Variants in LPO observed in about 807,000 individuals in gnomAD.
LPO encodes salivary peroxidase.
Under a neutral mutation model 68.4 loss-of-function variants are expected in LPO, and 70 were observed. That is an observed-to-expected ratio of 1.02 (90% CI 0.84 to 1.25). The LOEUF (loss-of-function observed/expected upper bound fraction) is 1.25. LPO is among the 50% of genes most tolerant of loss of function. The probability of loss-of-function intolerance (pLI) is 0.00; values close to 1 mark genes in which losing one functional copy is unlikely to be tolerated. For missense variants in LPO, 873 were observed against 908.4 expected (o/e 0.96, Z 0.50); for synonymous variants, 360 against 357.6 (o/e 1.01, Z -0.08).
At chr17:58,243,155 G>A (rs879195134) in intron 2 of LPO, 100 bp downstream of exon 2, 6 of 1,196,332 alleles carry the variant, frequency 5.0e-6, no homozygotes, top group South Asian at 1.3e-5. Context: ...CAGTACGGGA[G>A]GATAGAAGTC....
chr17:58,265,048 A>G, intron 10 of LPO, 74 bp downstream of exon 10: 1 of 1,578,486 alleles, frequency 6.3e-7, no homozygotes, highest in Non-Finnish European at 8.6e-7. Context: ...CTTGGGTTGG[A>G]AGTCAGATTC....
chr17:58,249,025 AG>A, intron 4 of LPO, 34 bp from the exon 5 acceptor site: 1 of 1,549,124 alleles, frequency 6.5e-7, no homozygotes, highest in East Asian at 2.2e-5. Context: ...GAATGGAGAA[AG>A]AACTCAGTCC....
rs1244457283 is a variant in LPO, at chr17:58,249,222, G to A, written c.443+45G>A. 8 of 1,527,112 alleles carry A rather than the reference G, an allele frequency of 5.2e-6. No individual in the cohort carries two copies. In the African/African-American group the frequency reaches 8.2e-5, roughly 16 times the overall value. The allele number at this position is 1,527,112 out of a possible 1,614,324, so 94.6% of individuals were successfully genotyped here. On this transcript the variant is annotated intron_variant, in intron 5 of 12. Coordinates refer to ENST00000262290, the MANE Select transcript of LPO (RefSeq NM_006151.3). ...GGGGGCCGACCATTCCAGCCACTCC[G>A]CCCCGCCCTGCCAAGGCCTTTGTCC...
chr17:58,260,212 A>T (rs1205898250), intron 9 of LPO, among the ~76,000 whole-genome samples: 1 of 152,154 alleles, frequency 6.6e-6, no homozygotes, highest in Non-Finnish European at 1.5e-5. Context: ...TGATTTTTTT[A>T]TGTGTTGATT....
intron 3 of LPO, among the ~76,000 whole-genome samples, chr17:58,245,278 T>C (rs536550858): frequency 1.5e-3 from 225 of 152,068 alleles, no homozygotes; most frequent in African/African-American, 5.3e-3. Flanking sequence ...GGGTTTCTGC[T>C]CCTTGGGGGT....
intron 4 of LPO, 53 bp downstream of exon 4, chr17:58,247,691 G>A (rs1969878028): frequency 6.3e-7 from 1 of 1,577,154 alleles, no homozygotes; most frequent in Non-Finnish European, 8.6e-7. Flanking sequence ...CTCCCCACAG[G>A]AGAAAGCAGA....
intron 10 of LPO, among the ~76,000 whole-genome samples, chr17:58,265,840 C>A (rs1196580476): frequency 6.6e-6 from 1 of 152,002 alleles, no homozygotes; most frequent in Non-Finnish European, 1.5e-5. Context: ...CCACCTTGGC[C>A]TCCCAAAGTG....
In LPO at chr17:58,254,920, T is replaced by G. The variant is rs1567820290; in HGVS notation, c.1215T>G (p.Asp405Glu). The change falls in exon 9 of 13, where the codon GAT (aspartate) becomes GAG (glutamate). Residue 405 changes from aspartate (D) to glutamate (E), a missense_variant. Transcript: ENST00000262290. ...TAAAGAGACTCAACCCTCAGTGGGATGGAGAGAAGCTCTACCAGGAAGCCC... is the reference window on the plus strand; with the variant it reads ...TAAAGAGACTCAACCCTCAGTGGGAGGGAGAGAAGCTCTACCAGGAAGCCC... The part of the protein sequence containing the change: ...RELKRLNPQW[D>E]GEKLYQEARK... 2 of 1,614,096 alleles carry G rather than the reference T, an allele frequency of 1.2e-6. No homozygotes were observed. Among genetic ancestry groups the G allele is most frequent in the Non-Finnish European group, 1.7e-6 (2 of 1,179,994 alleles).
chr17:58,268,094 C>T lies in LPO; in HGVS notation c.*100C>T. 2.4e-6 allele frequency: 3 copies of T among 1,266,242 alleles called. No homozygotes were observed. Among genetic ancestry groups the T allele is most frequent in the Non-Finnish European group, 3.3e-6 (3 of 901,714 alleles). The allele number at this position is 1,266,242 out of a possible 1,614,324, so 78.4% of individuals were successfully genotyped here. A position where few individuals can be genotyped will look rare whatever the true frequency, so the allele number is the denominator to read the frequency against. On this transcript the variant is annotated 3_prime_UTR_variant, in exon 13 of 13. Coordinates refer to ENST00000262290, the MANE Select transcript of LPO (RefSeq NM_006151.3). ...AGAGCTCCATATCCCAGTCCCAGCC[C>T]TTCTTTGCAGCTGGGCCTCTCTATA...
intron 8 of LPO, among the ~76,000 whole-genome samples, chr17:58,254,270 G>T (rs915857374): frequency 5.9e-5 from 9 of 151,916 alleles, no homozygotes; most frequent in African/African-American, 2.2e-4. Flanking sequence ...CCATTTAACT[G>T]TTCCCCCATC....
intron 8 of LPO, among the ~76,000 whole-genome samples, chr17:58,253,489 T>C (rs1970003061): frequency 6.6e-6 from 1 of 152,218 alleles, no homozygotes; most frequent in Non-Finnish European, 1.5e-5. Context: ...TGTATATTTT[T>C]AAAGCTTTTT....
chr17:58,252,414 A>ACCAT lies in LPO; in HGVS notation c.1014_1017dup (p.Gly340ProfsTer9), dbSNP rs368901060. The ACCAT allele has an allele frequency of 1.8e-3, 2,832 of 1,614,140 alleles. 4 individuals carry two copies. The highest frequency in any genetic ancestry group is 2.2e-3 in the Non-Finnish European group (2,603 of 1,180,040). On this transcript the variant is annotated frameshift_variant, in exon 8 of 13. Transcript: ENST00000262290. LOFTEE classifies it high-confidence loss of function. ...ATGGCTGTCAACCAGGAGGTCTCAG[A>ACCAT]CCATGGACTACCCTACCTGCCCTAT...
At chr17:58,243,917 A>AGGGAGACAAAAGC in intron 2 of LPO, 77 bp from the exon 3 acceptor site, 1 of 952,464 alleles carries the variant, frequency 1.0e-6, no homozygotes. Context: ...GCCGAGAAAG[A>AGGGAGACAAAAGC]GGGAGACAAA....
intron 9 of LPO, among the ~76,000 whole-genome samples, chr17:58,261,151 T>A (rs1179356304): frequency 1.3e-5 from 2 of 152,238 alleles, no homozygotes; most frequent in Non-Finnish European, 2.9e-5. Flanking sequence ...TGGTTGATGG[T>A]GCTATTCAGT....
In LPO at chr17:58,250,399, C is replaced by T; in HGVS notation, c.574-16C>T. ...TTTTCCTCTAATCTGCCCTCCCCTTCTCTCTCCATCTGTAGGCCCGGGAGG... is the reference window on the plus strand; with the variant it reads ...TTTTCCTCTAATCTGCCCTCCCCTTTTCTCTCCATCTGTAGGCCCGGGAGG... On this transcript the variant is annotated splice_polypyrimidine_tract_variant and intron_variant, in intron 6 of 12. Transcript: ENST00000262290. 6.2e-7 allele frequency: 1 copy of T among 1,610,346 alleles called. No homozygotes were observed. The highest frequency in any genetic ancestry group is 8.5e-7 in the Non-Finnish European group (1 of 1,176,606).
chr17:58,252,477 C>T lies in LPO; in HGVS notation c.1076C>T (p.Thr359Ile), dbSNP rs1364951311. 3.7e-6 allele frequency: 6 copies of T among 1,613,090 alleles called. No individual in the cohort carries two copies. Among genetic ancestry groups the T allele is most frequent in the Non-Finnish European group, 5.1e-6 (6 of 1,179,368 alleles). Reference sequence around the variant, plus strand: ...CCAAGCCCCTGTGAGTTCATCAACACCACTGCCCGTGTGCCCTGCTTCCTG... The same window carrying T: ...CCAAGCCCCTGTGAGTTCATCAACATCACTGCCCGTGTGCCCTGCTTCCTG... ...KKPSPCEFIN[T>I]TARVPCFLAG... Residue 359 changes from threonine (T) to isoleucine (I), a missense_variant, in exon 8 of 13, where the codon ACC (threonine) becomes ATC (isoleucine). By Grantham distance (89) the Thr-to-Ile change is moderately conservative. Coordinates refer to ENST00000262290, the MANE Select transcript of LPO (RefSeq NM_006151.3).
chr17:58,242,954 G>A (rs979633921), intron 1 of LPO, 24 bp from the exon 2 acceptor site: 4 of 1,599,072 alleles, frequency 2.5e-6, no homozygotes, highest in African/African-American at 2.7e-5. Context: ...GAGGCTCACA[G>A]TGTGATCCTG....
chr17:58,259,167 T>A (rs1970129619), intron 9 of LPO, among the ~76,000 whole-genome samples: 1 of 152,206 alleles, frequency 6.6e-6, no homozygotes, highest in African/African-American at 2.4e-5. Flanking sequence ...TAGTCCTAGG[T>A]CCCAAAGACT....
chr17:58,246,563 C>A (rs766703877), intron 3 of LPO, among the ~76,000 whole-genome samples: 1 of 152,174 alleles, frequency 6.6e-6, no homozygotes, highest in Non-Finnish European at 1.5e-5. Context: ...GCAGAGGAAG[C>A]ATGCAGAGCC....
Sources: allele counts gnomAD v4.1 joint callset (sites outside exome capture counted in the v4.1 genomes callset), GRCh38; gene constraint gnomAD v4.1.1; transcripts MANE v1.5; gene names NCBI Gene and HGNC (gene_info 2026-07-23, HGNC 2026-07-21).